Variants in GABBR2 observed in about 807,000 individuals in gnomAD.
GABBR2 encodes G-protein coupled receptor 51.
Under a neutral mutation model 105.6 loss-of-function variants are expected in GABBR2, and 23 were observed. That is an observed-to-expected ratio of 0.22 (90% CI 0.16 to 0.31). The LOEUF is 0.31. Ranked by LOEUF, GABBR2 falls within the 10% of genes least tolerant of loss-of-function variation. GABBR2 has a pLI of 1.00. For missense variants in GABBR2, 734 were observed against 1,245.5 expected, an observed-to-expected ratio of 0.59 and a Z score of 6.18; for synonymous variants, 478 against 499.7, an observed-to-expected ratio of 0.96 and a Z score of 0.58.
chr9:98,298,320 CTTAA>C lies in GABBR2; in HGVS notation c.2542+900_2542+903del, dbSNP rs145865278. Among the ~76,000 whole-genome samples the C allele has an allele frequency of 3.7e-3, 561 of 152,254 alleles. 2 individuals carry two copies. The highest frequency in any genetic ancestry group is 0.012 in the African/African-American group (509 of 41,528). On this transcript the variant is annotated intron_variant, in intron 17 of 18. Coordinates refer to ENST00000259455, the MANE Select transcript of GABBR2 (RefSeq NM_005458.8). ...TAAAATGTGCCATGTTTTGCTATAT[CTTAA>C]TTAATGAAACCACCCCCAAATAATG...
intron 11 of GABBR2, among the ~76,000 whole-genome samples, chr9:98,384,112 C>T (rs565251353): frequency 8.5e-5 from 13 of 152,292 alleles, no homozygotes; most frequent in African/African-American, 2.9e-4. Context: ...ATCTTTTGAC[C>T]ATCCCCTCTA....
chr9:98,345,705 C>G (rs1248594200), intron 13 of GABBR2, among the ~76,000 whole-genome samples: 5 of 152,142 alleles, frequency 3.3e-5, no homozygotes, highest in Non-Finnish European at 5.9e-5. Flanking sequence ...TAGAAAGTCC[C>G]AAAGAATCAA....
intron 1 of GABBR2, among the ~76,000 whole-genome samples, chr9:98,700,080 C>T (rs1830810918): frequency 6.6e-6 from 1 of 152,160 alleles, no homozygotes; most frequent in Non-Finnish European, 1.5e-5. Flanking sequence ...CTCTGCTAAC[C>T]CCTCCTGTGG....
intron 7 of GABBR2, among the ~76,000 whole-genome samples, chr9:98,409,436 G>C (rs897020430): frequency 9.2e-5 from 14 of 152,096 alleles, no homozygotes; most frequent in Non-Finnish European, 7.4e-5. Flanking sequence ...GCCAGACTCT[G>C]TCCCTCCACA....
chr9:98,528,162 T>C (rs1827997028), intron 3 of GABBR2, among the ~76,000 whole-genome samples: 2 of 152,182 alleles, frequency 1.3e-5, no homozygotes, highest in Admixed American at 1.3e-4. Flanking sequence ...ATTTCGATCA[T>C]ACAGAACTGG....
At chr9:98,658,220 G>T (rs888749265) in intron 1 of GABBR2, among the ~76,000 whole-genome samples, 2 of 152,148 alleles carry the variant, frequency 1.3e-5, no homozygotes, top group Non-Finnish European at 2.9e-5. Context: ...ACCACGGGCG[G>T]TTTCCACTGG....
chr9:98,418,315 T>C (rs554809786), intron 7 of GABBR2, among the ~76,000 whole-genome samples: 24 of 151,666 alleles, frequency 1.6e-4, no homozygotes, highest in African/African-American at 5.6e-4. Context: ...AAGTGGGAGA[T>C]TGCTTGAGCC....
At chr9:98,404,764 C>A (rs1188288575) in intron 8 of GABBR2, among the ~76,000 whole-genome samples, 1 of 152,032 alleles carries the variant, frequency 6.6e-6, no homozygotes, top group Non-Finnish European at 1.5e-5. Flanking sequence ...TTCTGAGGCC[C>A]TTCTGACAGC....
At chr9:98,430,100 C>T (rs1349201671) in intron 7 of GABBR2, among the ~76,000 whole-genome samples, 1 of 152,054 alleles carries the variant, frequency 6.6e-6, no homozygotes, top group Non-Finnish European at 1.5e-5. Flanking sequence ...TCCTGGCCAA[C>T]ATGGTGAAAC....
At chr9:98,586,144 G>C (rs1309547597) in intron 1 of GABBR2, among the ~76,000 whole-genome samples, 1 of 152,106 alleles carries the variant, frequency 6.6e-6, no homozygotes, top group African/African-American at 2.4e-5. Context: ...ATGAAAAATA[G>C]TAATGCGAAC....
chr9:98,460,238 C>T (rs1414311285), intron 6 of GABBR2, among the ~76,000 whole-genome samples: 1 of 152,064 alleles, frequency 6.6e-6, no homozygotes, highest in Non-Finnish European at 1.5e-5. Context: ...AAAAAATTAG[C>T]CAGGCATGGT....
intron 2 of GABBR2, among the ~76,000 whole-genome samples, chr9:98,570,842 G>A (rs1475582371): frequency 1.3e-5 from 2 of 152,236 alleles, no homozygotes; most frequent in Admixed American, 6.5e-5. Context: ...CGTTTAACAA[G>A]AGGCTGCAGC....
chr9:98,307,692 G>A (rs747977839), intron 14 of GABBR2, among the ~76,000 whole-genome samples: 3 of 150,646 alleles, frequency 2.0e-5, no homozygotes, highest in East Asian at 3.9e-4. Context: ...TACTTTCAAC[G>A]TCTGTGGACT....
At chr9:98,367,282 C>A (rs1831696359) in intron 12 of GABBR2, among the ~76,000 whole-genome samples, 1 of 119,818 alleles carries the variant, frequency 8.3e-6, no homozygotes. Context: ...TTATATAAAT[C>A]TAGTATATAT....
intron 1 of GABBR2, among the ~76,000 whole-genome samples, chr9:98,666,751 A>G (rs1352012179): frequency 6.6e-6 from 1 of 152,216 alleles, no homozygotes. Context: ...GGCCTGAGCA[A>G]CAGAGAGGGA....
chr9:98,594,724 G>A (rs1036061765), intron 1 of GABBR2, among the ~76,000 whole-genome samples: 8 of 152,344 alleles, frequency 5.3e-5, no homozygotes, highest in African/African-American at 1.7e-4. Flanking sequence ...CATCCCCAGA[G>A]GTGAAAGTCA....
At chr9:98,446,639 G>A (rs10986301) in intron 7 of GABBR2, among the ~76,000 whole-genome samples, 7,938 of 152,172 alleles carry the variant, frequency 0.052, 363 homozygotes, top group East Asian at 0.19. Context: ...GAACTACCTG[G>A]GTCTGGGATG....
chr9:98,468,709 GA>G, intron 6 of GABBR2, among the ~76,000 whole-genome samples: 1 of 152,148 alleles, frequency 6.6e-6, no homozygotes, highest in Non-Finnish European at 1.5e-5. Flanking sequence ...AAGCACCCTA[GA>G]AGTTACCTAG....
Position 98,648,116 on chromosome 9 carries a change from T to TGTGTGTGTGTGTGTGTATAGATAGATAG in GABBR2, c.321+60300_321+60301insCTATCTATCTATACACACACACACACAC. 7.9e-3 allele frequency among the ~76,000 whole-genome samples: 442 copies of TGTGTGTGTGTGTGTGTATAGATAGATAG among 55,848 alleles called. 3 individuals are homozygous for TGTGTGTGTGTGTGTGTATAGATAGATAG. The highest frequency in any genetic ancestry group is 0.01 in the African/African-American group (149 of 14,534). 36.6% of individuals were successfully genotyped at this position (55,848 alleles called of 152,430 possible). The stretch of plus-strand genomic sequence containing the variant: ...GTGTGTGTGTGTGTGTGTGTGTGTG[T>TGTGTGTGTGTGTGTGTATAGATAGATAG]ATAGATAGATAGATAGATAGATAGA... On this transcript the variant is annotated intron_variant, in intron 1 of 18. Transcript: ENST00000259455.
Sources: allele counts gnomAD v4.1 joint callset (sites outside exome capture counted in the v4.1 genomes callset), GRCh38; gene constraint gnomAD v4.1.1; transcripts MANE v1.5; gene names NCBI Gene and HGNC (gene_info 2026-07-23, HGNC 2026-07-21).